The following WNT2B variants were observed in gnomAD, a reference collection of about 807,000 sequenced individuals.
WNT2B encodes the protein protein Wnt-2b.
WNT2B carries 19 observed loss-of-function variants against 40.5 expected under a neutral mutation model. The ratio of observed to expected loss-of-function variants is 0.47; its 90% CI spans 0.33 to 0.69. The LOEUF is 0.69. WNT2B is among the 30% of genes least tolerant of loss of function. WNT2B has a pLI of 0.02. For synonymous variants in WNT2B, 220 were observed against 211.9 expected (o/e 1.04, Z -0.33); for missense variants, 467 against 556.4 (o/e 0.84, Z 1.62).
At position 112,528,769 on chromosome 1, in the gene WNT2B, C is replaced by T. The variant is rs1653869705; in HGVS notation, c.*8260C>T. ...AACTTGACTGGTCCTACATATTCTACTTGGTATATTGAATTTTTGCAGCTA... is the reference window on the plus strand; with the variant it reads ...AACTTGACTGGTCCTACATATTCTATTTGGTATATTGAATTTTTGCAGCTA... On this transcript the variant is annotated 3_prime_UTR_variant, in exon 5 of 5. Transcript: ENST00000369684. 1 of 152,196 alleles carries T rather than the reference C, an allele frequency of 6.6e-6. No individual in the cohort carries two copies. Among genetic ancestry groups the T allele is most frequent in the Non-Finnish European group, 1.5e-5 (1 of 68,030 alleles). 9.4% of individuals were successfully genotyped at this position (152,196 alleles called of 1,614,324 possible).
rs531405807 is a variant in WNT2B at position 112,527,613 on chromosome 1, C to A, written c.*7104C>A. ...TTGAATGAGCTGCTGATGACAGCAG[C>A]TTCATAGGTCTTGTGTATAAAGGAA... On this transcript the variant is annotated 3_prime_UTR_variant, in exon 5 of 5. Coordinates refer to ENST00000369684, the MANE Select transcript of WNT2B (RefSeq NM_024494.3). The A allele has an allele frequency of 2.0e-5, 3 of 152,732 alleles. No homozygotes were observed. In the East Asian group the frequency reaches 5.8e-4, roughly 29 times the overall value. 9.5% of individuals were successfully genotyped at this position (152,732 alleles called of 1,614,324 possible). A position where few individuals can be genotyped will look rare whatever the true frequency, so the allele number is the denominator to read the frequency against.
intron 1 of WNT2B, among the ~76,000 whole-genome samples, chr1:112,484,086 C>T (rs77619873): frequency 6.8e-6 from 1 of 147,316 alleles, no homozygotes; most frequent in East Asian, 2.0e-4. Flanking sequence ...CATAGTGAGA[C>T]TTTGTCTCCA....
intron 4 of WNT2B, 55 bp downstream of exon 4, chr1:112,517,440 C>G: frequency 6.4e-7 from 1 of 1,552,292 alleles, no homozygotes; most frequent in Non-Finnish European, 8.7e-7. Context: ...TGCAGGCACC[C>G]CTGGTTAATC....
At chr1:112,491,406 C>CAAAA (rs1651601405) in intron 1 of WNT2B, among the ~76,000 whole-genome samples, 1 of 152,098 alleles carries the variant, frequency 6.6e-6, no homozygotes, top group East Asian at 1.9e-4. Context: ...GACTCCGTCT[C>CAAAA]AATAAATAAA....
chr1:112,509,101 G>T lies in WNT2B; in HGVS notation c.-162G>T. 1 of 1,357,344 alleles carries T rather than the reference G, an allele frequency of 7.4e-7. No homozygotes were observed. Among genetic ancestry groups the T allele is most frequent in the Non-Finnish European group, 9.4e-7 (1 of 1,063,488 alleles). The allele number at this position is 1,357,344 out of a possible 1,614,324, so 84.1% of individuals were successfully genotyped here. On this transcript the variant is annotated 5_prime_UTR_variant, in exon 1 of 5. Transcript: ENST00000369684. The surrounding 1 kb of genome is among the most constrained non-coding windows in gnomAD (Gnocchi z 4.2). ...ACATCGCAACTTGCGCCCCTCTCGG[G>T]GATCCTCCTCCCGGGCTCTGGACCC...
chr1:112,482,325 T>G (rs549917144), intron 1 of WNT2B, among the ~76,000 whole-genome samples: 1 of 151,980 alleles, frequency 6.6e-6, no homozygotes, highest in African/African-American at 2.4e-5. Flanking sequence ...TGTCAAAAAA[T>G]AATAATAATA....
rs869100101 is a variant in WNT2B, at chr1:112,500,612, A to ATT, written c.-94-14255_-94-14254dup. 2.0e-5 allele frequency among the ~76,000 whole-genome samples: 3 copies of ATT among 146,774 alleles called. No homozygotes were observed. In the South Asian group the frequency reaches 6.4e-4, roughly 31 times the overall value. On this transcript the variant is annotated intron_variant, in intron 1 of 4. Coordinates refer to the WNT2B transcript ENST00000256640. ...TAGTGAGACCCCGTCACTAAAAAAA[A>ATT]TTTTTTTTAATTATTTAGGCATGGT...
chr1:112,467,388 T>A, exon 1 of WNT2B: 1 of 617,828 alleles, frequency 1.6e-6, no homozygotes. Context: ...GGTTTAAGCT[T>A]CGAGGCCCAT....
At chr1:112,513,822 G>T (rs570625867) in intron 1 of WNT2B, among the ~76,000 whole-genome samples, 1 of 152,330 alleles carries the variant, frequency 6.6e-6, no homozygotes, top group Admixed American at 6.5e-5. Context: ...GTGCTATGGG[G>T]TTAAAGGGAG....
In WNT2B at chr1:112,525,422, G is replaced by A. The variant is rs1042067894; in HGVS notation, c.*4913G>A. The A allele has an allele frequency of 6.6e-6, 1 of 152,488 alleles. No homozygotes were observed. The highest frequency in any genetic ancestry group is 2.4e-5 in the African/African-American group (1 of 41,414). 9.4% of individuals were successfully genotyped at this position (152,488 alleles called of 1,614,324 possible). A position where few individuals can be genotyped will look rare whatever the true frequency, so the allele number is the denominator to read the frequency against. ...CAGTGGGGTGTCAGTAATATGCCCTGTCCCTGACCTCAAAGGTAAAGGGAT... is the reference window on the plus strand; with the variant it reads ...CAGTGGGGTGTCAGTAATATGCCCTATCCCTGACCTCAAAGGTAAAGGGAT... On this transcript the variant is annotated 3_prime_UTR_variant, in exon 5 of 5. Transcript: ENST00000369684.
chr1:112,509,225 G>C lies in WNT2B; in HGVS notation c.-38G>C. On this transcript the variant is annotated 5_prime_UTR_variant, in exon 1 of 5. Coordinates refer to ENST00000369684, the MANE Select transcript of WNT2B (RefSeq NM_024494.3). This position sits in a 1 kb window ranked among gnomAD's most constrained non-coding sequence, Gnocchi z 4.2. ...TACCCCCAGAAGGTGCCCCGTCCAC[G>C]CCCCTCCGGGCTGCGCGGCGGGAGT... The C allele has an allele frequency of 1.4e-6, 2 of 1,476,816 alleles. No homozygotes were observed. The highest frequency in any genetic ancestry group is 1.8e-6 in the Non-Finnish European group (2 of 1,123,288). The allele number at this position is 1,476,816 out of a possible 1,614,324, so 91.5% of individuals were successfully genotyped here. A position where few individuals can be genotyped will look rare whatever the true frequency, so the allele number is the denominator to read the frequency against.
In WNT2B at chr1:112,514,747, G is replaced by GA. The variant is rs1281631102; in HGVS notation, c.183-125dup. 7.3e-6 allele frequency: 6 copies of GA among 816,902 alleles called. No individual in the cohort carries two copies. The Admixed American group carries it at 1.2e-4, about 17-fold the overall frequency. 50.6% of individuals were successfully genotyped at this position (816,902 alleles called of 1,614,324 possible). A position where few individuals can be genotyped will look rare whatever the true frequency, so the allele number is the denominator to read the frequency against. ...AATGGTTCTACTCATCAGCTTTATG[G>GA]AATGTGGGTTAGGGAGAGGGGACAG... On this transcript the variant is annotated intron_variant, in intron 1 of 4. Coordinates refer to ENST00000369684, the MANE Select transcript of WNT2B (RefSeq NM_024494.3).
chr1:112,494,730 T>G (rs532734586), intron 1 of WNT2B, among the ~76,000 whole-genome samples: 2 of 151,688 alleles, frequency 1.3e-5, no homozygotes, highest in East Asian at 3.9e-4. Flanking sequence ...TTGTTGCCAT[T>G]GGACTGGCCT....
At chr1:112,503,801 A>G (rs1325832649) in intron 1 of WNT2B, among the ~76,000 whole-genome samples, 2 of 151,966 alleles carry the variant, frequency 1.3e-5, no homozygotes, top group African/African-American at 4.8e-5. Context: ...CAGGGAGATA[A>G]ACACAAGAGA....
chr1:112,509,194 C>T lies in WNT2B; in HGVS notation c.-69C>T, dbSNP rs901365600. 7.0e-7 allele frequency: 1 copy of T among 1,426,424 alleles called. No homozygotes were observed. Among genetic ancestry groups the T allele is most frequent in the African/African-American group, 1.5e-5 (1 of 66,334 alleles). 88.4% of individuals were successfully genotyped at this position (1,426,424 alleles called of 1,614,324 possible). A position where few individuals can be genotyped will look rare whatever the true frequency, so the allele number is the denominator to read the frequency against. On this transcript the variant is annotated 5_prime_UTR_variant, in exon 1 of 5. Coordinates refer to ENST00000369684, the MANE Select transcript of WNT2B (RefSeq NM_024494.3). This position sits in a 1 kb window ranked among gnomAD's most constrained non-coding sequence, Gnocchi z 4.2. The stretch of plus-strand genomic sequence containing the variant: ...CCCCAGGGGGGTGAGGTAGGAGCAG[C>T]CTGAGTACCCCCAGAAGGTGCCCCG...
intron 1 of WNT2B, among the ~76,000 whole-genome samples, chr1:112,481,510 A>G (rs2101056048): frequency 6.6e-6 from 1 of 152,336 alleles, no homozygotes; most frequent in South Asian, 2.1e-4. Context: ...AAGGATGCCC[A>G]CTTTCACCTT....
chr1:112,492,873 A>G (rs1651643752), intron 1 of WNT2B, among the ~76,000 whole-genome samples: 1 of 152,238 alleles, frequency 6.6e-6, no homozygotes, highest in South Asian at 2.1e-4. Context: ...ACTAAATGAC[A>G]GAGACCTAAG....
chr1:112,475,216 T>A (rs1228093699), intron 1 of WNT2B, among the ~76,000 whole-genome samples: 3 of 151,980 alleles, frequency 2.0e-5, no homozygotes, highest in Non-Finnish European at 4.4e-5. Context: ...GCAATTAAAG[T>A]GAGATTTGCC....
Position 112,526,018 on chromosome 1 carries a change from C to A in WNT2B, c.*5509C>A, listed in dbSNP as rs1653310103. ...TCACATGAACAGTGCGTGGCTCAGCCAGAACTCAAACCTAGGTCTTCTGAC... is the reference window on the plus strand; with the variant it reads ...TCACATGAACAGTGCGTGGCTCAGCAAGAACTCAAACCTAGGTCTTCTGAC... On this transcript the variant is annotated 3_prime_UTR_variant, in exon 5 of 5. Coordinates refer to ENST00000369684, the MANE Select transcript of WNT2B (RefSeq NM_024494.3). 1 of 1,614,120 alleles carries A rather than the reference C, an allele frequency of 6.2e-7. No homozygotes were observed. Among genetic ancestry groups the A allele is most frequent in the Non-Finnish European group, 8.5e-7 (1 of 1,180,010 alleles).
Sources: gnomAD v4.1 joint callset for allele counts (sites outside exome capture counted in the v4.1 genomes callset) on GRCh38, gnomAD v4.1.1 for gene constraint, Gnocchi (gnomAD v3.1) non-coding constraint, MANE v1.5 for transcripts, NCBI Gene and HGNC (gene_info 2026-07-23, HGNC 2026-07-21) for gene names.